MTG1: variants seen among roughly 807,000 people sequenced by gnomAD.
MTG1 encodes the protein mitochondrial ribosome-associated GTPase 1.
MTG1 carries 30 observed loss-of-function variants against 39.5 expected under a neutral mutation model. That is an observed-to-expected ratio of 0.76 (90% confidence interval 0.57 to 1.03). The LOEUF (loss-of-function observed/expected upper bound fraction) is 1.03, where lower values mean the gene tolerates loss of function less well. Ranked by LOEUF, MTG1 falls within the 50% of genes least tolerant of loss-of-function variation. The pLI is 0.00. For missense variants in MTG1, 513 were observed against 447.4 expected (o/e 1.15, Z -1.32); for synonymous variants, 217 against 179.0 (o/e 1.21, Z -1.69).
At position 133,398,565 on chromosome 10, in the gene MTG1, G is replaced by A. The variant is rs371008828; in HGVS notation, c.363+50G>A. On this transcript the variant is annotated intron_variant, in intron 4 of 10. Coordinates refer to ENST00000317502, the MANE Select transcript of MTG1 (RefSeq NM_138384.4). ...CTGACGCTTCTGCTTCAGTAGGTTCGAGGAGCATTATAAACTGTTTTATGC... is the reference window on the plus strand; with the variant it reads ...CTGACGCTTCTGCTTCAGTAGGTTCAAGGAGCATTATAAACTGTTTTATGC... 1.5e-5 allele frequency: 24 copies of A among 1,568,518 alleles called. No individual in the cohort carries two copies. The Middle Eastern group carries it at 6.8e-4, about 44-fold the overall frequency.
rs1049694800 is a variant in MTG1 at position 133,394,205 on chromosome 10, C to T, written c.-16C>T. ...AGGAGGTCAGCTGCGGGAGCGTTTC[C>T]GGGGACGGTGCCGCCATGAGATTGA... On this transcript the variant is annotated 5_prime_UTR_variant, in exon 1 of 11. Coordinates refer to ENST00000317502, the MANE Select transcript of MTG1 (RefSeq NM_138384.4). 34 of 1,508,758 alleles carry T rather than the reference C, an allele frequency of 2.3e-5. No homozygotes were observed. Among genetic ancestry groups the T allele is most frequent in the Admixed American group, 1.0e-4 (5 of 48,652 alleles). 93.5% of individuals were successfully genotyped at this position (1,508,758 alleles called of 1,614,324 possible). A position where few individuals can be genotyped will look rare whatever the true frequency, so the allele number is the denominator to read the frequency against.
Position 133,420,040 on chromosome 10 carries a change from A to T in MTG1, c.880A>T (p.Ile294Phe). The change falls in exon 11 of 11, where the codon ATT becomes TTT. Residue 294 changes from isoleucine to phenylalanine, a missense_variant. Physicochemically the swap from Ile to Phe is conservative, Grantham distance 21. Transcript: ENST00000317502. ...CCGTCCCCCAGGTAACGTGAACATT[A>T]TTCAGCCTAACTATCCTGCGGCAGC... ...VLTGTGNVNI[I>F]QPNYPAAARD... is the part of the protein sequence containing the mutation. 6.2e-7 allele frequency: 1 copy of T among 1,611,656 alleles called. No homozygotes were observed. The highest frequency in any genetic ancestry group is 2.2e-5 in the East Asian group (1 of 44,818).
chr10:133,413,989 A>G (rs1850084686), intron 9 of MTG1, among the ~76,000 whole-genome samples: 1 of 148,926 alleles, frequency 6.7e-6, no homozygotes, highest in Non-Finnish European at 1.5e-5. Flanking sequence ...GTCACAGGAC[A>G]ATAGTGGAGG....
chr10:133,418,822 T>G (rs1466359224), intron 9 of MTG1, among the ~76,000 whole-genome samples: 2 of 152,076 alleles, frequency 1.3e-5, no homozygotes, highest in South Asian at 2.1e-4. Context: ...TAGGGTGGTG[T>G]TTGTCCCTGT....
At chr10:133,394,699 T>C (rs1171640644) in intron 1 of MTG1, 1 of 1,074,428 alleles carries the variant, frequency 9.3e-7, no homozygotes, top group African/African-American at 1.7e-5. Flanking sequence ...TAGACTTTTC[T>C]GAGTCTTTTG....
intron 9 of MTG1, among the ~76,000 whole-genome samples, chr10:133,405,379 AT>A (rs1443059221): frequency 6.6e-6 from 1 of 152,196 alleles, no homozygotes; most frequent in Non-Finnish European, 1.5e-5. Context: ...CATCCCAAAC[AT>A]TTATCTTCAT....
chr10:133,402,551 T>C lies in MTG1; in HGVS notation c.671-141T>C. On this transcript the variant is annotated intron_variant, in intron 8 of 10. Transcript: ENST00000317502. The surrounding 1 kb of genome is among the most constrained non-coding windows in gnomAD (Gnocchi z 4.7). ...GGGACCACAGCCGAGTGCCGTCCTC[T>C]TGGTTAGTGTCTTTGTCAGTGGCTG... is the stretch of plus-strand genomic sequence containing the variant. 1.2e-6 allele frequency: 1 copy of C among 807,120 alleles called. No homozygotes were observed. Among genetic ancestry groups the C allele is most frequent in the Non-Finnish European group, 2.0e-6 (1 of 505,008 alleles). 50.0% of individuals were successfully genotyped at this position (807,120 alleles called of 1,614,324 possible).
chr10:133,400,858 C>G (rs1177646933), intron 6 of MTG1, among the ~76,000 whole-genome samples: 1 of 152,242 alleles, frequency 6.6e-6, no homozygotes, highest in Non-Finnish European at 1.5e-5. Context: ...CCTTTTGTGA[C>G]TGGCTGATGT....
rs80314823 is a variant in MTG1, at chr10:133,396,005, T to A, written c.178-158T>A. On this transcript the variant is annotated intron_variant, in intron 2 of 10. Coordinates refer to ENST00000317502, the MANE Select transcript of MTG1 (RefSeq NM_138384.4). ...CGGTGCAGCAGTGGAATCCTCTAGATGGGCTATGAAACTGTTTAAATGTTC... is the reference window on the plus strand; with the variant it reads ...CGGTGCAGCAGTGGAATCCTCTAGAAGGGCTATGAAACTGTTTAAATGTTC... 5.6e-3 allele frequency among the ~76,000 whole-genome samples: 849 copies of A among 152,338 alleles called. 5 individuals are homozygous for A. The highest frequency in any genetic ancestry group is 8.7e-3 in the Non-Finnish European group (594 of 68,028).
intron 6 of MTG1, 29 bp downstream of exon 6, chr10:133,399,648 G>A: frequency 6.2e-7 from 1 of 1,609,028 alleles, no homozygotes; most frequent in Non-Finnish European, 8.5e-7. Flanking sequence ...GATCACCTCA[G>A]GAAAGGTACT....
Position 133,420,164 on chromosome 10 carries a change from G to C in MTG1, c.1004G>C (p.Ter335SerextTer17), listed in dbSNP as rs1192662338. The C allele has an allele frequency of 6.2e-7, 1 of 1,607,806 alleles. No individual in the cohort carries two copies. The highest frequency in any genetic ancestry group is 2.2e-5 in the East Asian group (1 of 44,806). The change falls in exon 11 of 11, where the codon TGA becomes TCA. Residue 335 changes from the stop codon to serine, a stop_lost. Transcript: ENST00000317502. ...CACCCCCCGGCTGAGACTTTGCCCT[G>C]AACTTGTCCGGGTAGGGAGGGCCGG... ...RGHPPAETLP[*>S] is the part of the protein sequence containing the mutation.
chr10:133,401,531 A>G lies in MTG1; in HGVS notation c.514A>G (p.Lys172Glu), dbSNP rs749674845. Residue 172 changes from lysine to glutamate, a missense_variant and splice_region_variant, in exon 7 of 11, where the codon AAA (lysine) becomes GAA (glutamate). Coordinates refer to ENST00000317502, the MANE Select transcript of MTG1 (RefSeq NM_138384.4). ...SLRRQHLRKG[K>E]ATRVGGEPGI... ...CTCCTTTTCTCCTTTTCCTACAGGG[A>G]AAGCCACCAGGGTGGGTGGCGAGCC... 3.8e-6 allele frequency: 6 copies of G among 1,570,962 alleles called. No individual in the cohort carries two copies. In the South Asian group the frequency reaches 4.7e-5, roughly 12 times the overall value.
At position 133,402,844 on chromosome 10, in the gene MTG1, C is replaced by G. The variant is rs1049415280; in HGVS notation, c.752+71C>G. 4 of 1,112,670 alleles carry G rather than the reference C, an allele frequency of 3.6e-6. No individual in the cohort carries two copies. Among genetic ancestry groups the G allele is most frequent in the Non-Finnish European group, 5.1e-6 (4 of 777,696 alleles). The allele number at this position is 1,112,670 out of a possible 1,614,324, so 68.9% of individuals were successfully genotyped here. On this transcript the variant is annotated intron_variant, in intron 9 of 10. Coordinates refer to ENST00000317502, the MANE Select transcript of MTG1 (RefSeq NM_138384.4). The surrounding 1 kb of genome is among the most constrained non-coding windows in gnomAD (Gnocchi z 4.7). The stretch of plus-strand genomic sequence containing the variant: ...ACCTCATTTAAAAAAAAAAAACAAA[C>G]AAAAAAACCCCCAGCATTATAAAGG...
chr10:133,414,232 G>A (rs1372724326), intron 9 of MTG1, among the ~76,000 whole-genome samples: 1 of 150,698 alleles, frequency 6.6e-6, no homozygotes, highest in African/African-American at 2.5e-5. Context: ...AGGGTTGGGG[G>A]TAAGGTCACA....
At position 133,394,180 on chromosome 10, in the gene MTG1, A is replaced by G. The variant is rs992057151; in HGVS notation, c.-41A>G. On this transcript the variant is annotated 5_prime_UTR_variant, in exon 1 of 11. Coordinates refer to ENST00000317502, the MANE Select transcript of MTG1 (RefSeq NM_138384.4). ...TCAGAGGCGGGTCGCAGCGGCGCAGAGGAGGTCAGCTGCGGGAGCGTTTCC... is the reference window on the plus strand; with the variant it reads ...TCAGAGGCGGGTCGCAGCGGCGCAGGGGAGGTCAGCTGCGGGAGCGTTTCC... 4.2e-6 allele frequency: 6 copies of G among 1,433,858 alleles called. No individual in the cohort carries two copies. The highest frequency in any genetic ancestry group is 4.7e-6 in the Non-Finnish European group (5 of 1,067,778). The allele number at this position is 1,433,858 out of a possible 1,614,324, so 88.8% of individuals were successfully genotyped here.
intron 3 of MTG1, among the ~76,000 whole-genome samples, chr10:133,397,628 G>A (rs1338003553): frequency 2.6e-5 from 4 of 151,862 alleles, no homozygotes; most frequent in African/African-American, 7.3e-5. Context: ...ACAGGCGCCC[G>A]CCACCATGCC....
Position 133,394,191 on chromosome 10 carries a change from T to C in MTG1, c.-30T>C, listed in dbSNP as rs375642584. On this transcript the variant is annotated 5_prime_UTR_variant, in exon 1 of 11. Transcript: ENST00000317502. The stretch of plus-strand genomic sequence containing the variant: ...TCGCAGCGGCGCAGAGGAGGTCAGC[T>C]GCGGGAGCGTTTCCGGGGACGGTGC... The C allele has an allele frequency of 2.0e-5, 30 of 1,491,882 alleles. No homozygotes were observed. The South Asian group carries it at 2.8e-4, about 14-fold the overall frequency. 92.4% of individuals were successfully genotyped at this position (1,491,882 alleles called of 1,614,324 possible).
intron 9 of MTG1, among the ~76,000 whole-genome samples, chr10:133,407,492 A>C (rs1469180655): frequency 6.6e-6 from 1 of 150,610 alleles, no homozygotes; most frequent in African/African-American, 2.4e-5. Flanking sequence ...CCTTGTAGAG[A>C]TCTTCCACTT....
In MTG1 at chr10:133,402,835, AAAAAC is replaced by A. The variant is rs1421917783; in HGVS notation, c.752+66_752+70del. On this transcript the variant is annotated intron_variant, in intron 9 of 10. Coordinates refer to ENST00000317502, the MANE Select transcript of MTG1 (RefSeq NM_138384.4). The surrounding 1 kb of genome is among the most constrained non-coding windows in gnomAD (Gnocchi z 4.7). ...CTCCTAGTCACCTCATTTAAAAAAA[AAAAAC>A]AAACAAAAAAACCCCCAGCATTATA... The A allele has an allele frequency of 2.2e-5, 28 of 1,245,326 alleles. No homozygotes were observed. The highest frequency in any genetic ancestry group is 3.1e-5 in the African/African-American group (2 of 65,286). 77.1% of individuals were successfully genotyped at this position (1,245,326 alleles called of 1,614,324 possible).
Sources: gnomAD v4.1 joint callset for allele counts (sites outside exome capture counted in the v4.1 genomes callset) on GRCh38, gnomAD v4.1.1 for gene constraint, Gnocchi (gnomAD v3.1) non-coding constraint, MANE v1.5 for transcripts, NCBI Gene and HGNC (gene_info 2026-07-23, HGNC 2026-07-21) for gene names.